The following RNF13 variants were observed in gnomAD, a reference collection of about 807,000 sequenced individuals.
The protein encoded by RNF13 is ring finger protein 13.
A neutral mutation model predicts 37.7 loss-of-function variants in RNF13; 19 were observed. That is an observed-to-expected ratio of 0.50 (90% CI 0.35 to 0.74). RNF13 has a LOEUF of 0.74. Among genes scored for constraint, RNF13 ranks in the 30% least tolerant of loss-of-function variants. RNF13 has a pLI of 0.01. For missense variants in RNF13, 375 were observed against 453.0 expected (o/e 0.83, Z 1.56); for synonymous variants, 144 against 157.8 (o/e 0.91, Z 0.65).
intron 6 of RNF13, among the ~76,000 whole-genome samples, chr3:149,905,193 G>T (rs1037306892): frequency 6.6e-6 from 1 of 152,078 alleles, no homozygotes; most frequent in Non-Finnish European, 1.5e-5. Context: ...CATCCGTAAG[G>T]GTCATGCCAA....
At chr3:149,892,491 T>A (rs1489711419) in intron 4 of RNF13, among the ~76,000 whole-genome samples, 1 of 152,158 alleles carries the variant, frequency 6.6e-6, no homozygotes, top group Non-Finnish European at 1.5e-5. Flanking sequence ...TGGAGACCTG[T>A]TGGGGAATTG....
intron 4 of RNF13, among the ~76,000 whole-genome samples, chr3:149,879,852 G>T (rs1713177721): frequency 6.6e-6 from 1 of 152,162 alleles, no homozygotes; most frequent in Non-Finnish European, 1.5e-5. Flanking sequence ...TAGCAATACT[G>T]TGTATTTTCT....
chr3:149,891,631 A>G (rs1714705124), intron 4 of RNF13, among the ~76,000 whole-genome samples: 1 of 152,220 alleles, frequency 6.6e-6, no homozygotes, highest in African/African-American at 2.4e-5. Flanking sequence ...AATTTGGGCT[A>G]ATAGCTCTGA....
chr3:149,820,056 TGAAAA>T (rs911197282), intron 1 of RNF13, among the ~76,000 whole-genome samples: 27 of 152,256 alleles, frequency 1.8e-4, no homozygotes, highest in Admixed American at 1.7e-3. Context: ...TAATGTAAAC[TGAAAA>T]GAAAACTGAA....
intron 4 of RNF13, among the ~76,000 whole-genome samples, chr3:149,887,919 A>G (rs1183516746): frequency 6.6e-6 from 1 of 152,240 alleles, no homozygotes; most frequent in African/African-American, 2.4e-5. Context: ...TTAAAATAAT[A>G]TGAAGCCAAG....
chr3:149,958,387 G>A (rs1722065292), intron 8 of RNF13, among the ~76,000 whole-genome samples: 1 of 152,272 alleles, frequency 6.6e-6, no homozygotes, highest in African/African-American at 2.4e-5. Context: ...AAAGCCAGTA[G>A]TTGCATCTCC....
In RNF13 at chr3:149,931,062, T is replaced by G. The variant is rs554450405; in HGVS notation, c.700+9835T>G. ...TTTTGGTTGTGTGTGTGTTTTTGTTTTTTTGGTTTTTTTTCTGGGGGGACA... is the reference window on the plus strand; with the variant it reads ...TTTTGGTTGTGTGTGTGTTTTTGTTGTTTTGGTTTTTTTTCTGGGGGGACA... On this transcript the variant is annotated intron_variant, in intron 8 of 9. Transcript: ENST00000392894. Among the ~76,000 whole-genome samples, 10 of 152,164 alleles carry G rather than the reference T, an allele frequency of 6.6e-5. No individual in the cohort carries two copies. The South Asian group carries it at 2.1e-3, about 32-fold the overall frequency.
chr3:149,878,453 G>A (rs982255006), intron 4 of RNF13, among the ~76,000 whole-genome samples: 4 of 152,138 alleles, frequency 2.6e-5, no homozygotes, highest in Admixed American at 1.3e-4. Context: ...CTAAAATAAT[G>A]TGCAGGAAAG....
chr3:149,831,758 C>G (rs1420274169), intron 1 of RNF13, among the ~76,000 whole-genome samples: 1 of 151,558 alleles, frequency 6.6e-6, no homozygotes, highest in Non-Finnish European at 1.5e-5. Context: ...GCAGGTATTT[C>G]TTCATAGCAG....
chr3:149,816,245 G>A (rs1719439478), intron 1 of RNF13, among the ~76,000 whole-genome samples: 1 of 152,060 alleles, frequency 6.6e-6, no homozygotes, highest in Non-Finnish European at 1.5e-5. Context: ...AGGCATCACA[G>A]ATACATAACT....
chr3:149,852,751 C>T (rs912662529), intron 3 of RNF13, among the ~76,000 whole-genome samples, 155 bp downstream of exon 3: 1 of 151,782 alleles, frequency 6.6e-6, no homozygotes, highest in Non-Finnish European at 1.5e-5. Flanking sequence ...CAAAAGATAT[C>T]AGAAAGAAAG....
At chr3:149,851,893 T>TA (rs1441219313) in intron 2 of RNF13, among the ~76,000 whole-genome samples, 3 of 152,314 alleles carry the variant, frequency 2.0e-5, no homozygotes, top group African/African-American at 2.4e-5. Flanking sequence ...TTTGTTTTGG[T>TA]AAAGGACTAA....
chr3:149,816,367 G>A (rs1719450598), intron 1 of RNF13, among the ~76,000 whole-genome samples: 1 of 152,188 alleles, frequency 6.6e-6, no homozygotes, highest in Admixed American at 6.5e-5. Context: ...ATGGAATGCT[G>A]TGGGGCTATT....
intron 8 of RNF13, among the ~76,000 whole-genome samples, chr3:149,943,184 C>G (rs138329381): frequency 9.4e-4 from 141 of 149,400 alleles, no homozygotes; most frequent in African/African-American, 3.3e-3. Context: ...TAAGGTAATT[C>G]TGACCTCATA....
At chr3:149,822,786 A>G (rs1323040175) in intron 1 of RNF13, among the ~76,000 whole-genome samples, 1 of 152,138 alleles carries the variant, frequency 6.6e-6, no homozygotes, top group Non-Finnish European at 1.5e-5. Flanking sequence ...ATTATTTTGC[A>G]ACTTAATTTT....
chr3:149,940,180 A>G (rs1720111456), intron 8 of RNF13, among the ~76,000 whole-genome samples: 1 of 152,036 alleles, frequency 6.6e-6, no homozygotes, highest in Non-Finnish European at 1.5e-5. Flanking sequence ...TGTTATTTAT[A>G]TGTGTGTATG....
intron 8 of RNF13, among the ~76,000 whole-genome samples, chr3:149,932,241 CT>C (rs1332691451): frequency 6.6e-6 from 1 of 152,060 alleles, no homozygotes; most frequent in African/African-American, 2.4e-5. Context: ...TTCATTTTTA[CT>C]TTTTTGAGGA....
chr3:149,848,179 C>G (rs891746346), intron 2 of RNF13, among the ~76,000 whole-genome samples: 4 of 151,958 alleles, frequency 2.6e-5, no homozygotes, highest in Non-Finnish European at 5.9e-5. Context: ...ACTACCTGAG[C>G]TGTATTTTTT....
intron 3 of RNF13, among the ~76,000 whole-genome samples, chr3:149,861,224 A>G (rs1272421701): frequency 6.6e-6 from 1 of 151,748 alleles, no homozygotes; most frequent in African/African-American, 2.4e-5. Context: ...AAAACTTAAA[A>G]GGGGGTGGGG....
Sources: allele counts gnomAD v4.1 joint callset (sites outside exome capture counted in the v4.1 genomes callset), GRCh38; gene constraint gnomAD v4.1.1; transcripts MANE v1.5; gene names NCBI Gene and HGNC (gene_info 2026-07-23, HGNC 2026-07-21).